The following STPG4 variants were observed in gnomAD, a reference collection of about 807,000 sequenced individuals.
STPG4 encodes sperm-tail PG-rich repeat containing 4.
STPG4 carries 41 observed loss-of-function variants against 31.5 expected under a neutral mutation model. That is an observed-to-expected ratio of 1.30 (90% CI 1.01 to 1.69). STPG4 has a LOEUF of 1.69. Among genes scored for constraint, STPG4 ranks in the 40% most tolerant of loss-of-function variants. The pLI is 0.00. For missense variants in STPG4, 375 were observed against 293.4 expected (o/e 1.28, Z -2.03); for synonymous variants, 141 against 103.0 (o/e 1.37, Z -2.24).
At chr2:47,149,182 T>G (rs1370337601) in intron 3 of STPG4, among the ~76,000 whole-genome samples, 2 of 152,152 alleles carry the variant, frequency 1.3e-5, no homozygotes, top group East Asian at 3.8e-4. Context: ...TTGTGGGAGG[T>G]GGAGAGGAAA....
At chr2:47,155,118 T>A (rs574637753) in intron 1 of STPG4, 53 bp downstream of exon 1, 2 of 1,541,552 alleles carry the variant, frequency 1.3e-6, no homozygotes, top group Non-Finnish European at 1.8e-6. Context: ...AAAAGGGTAG[T>A]GGGCCTGGTG....
intron 5 of STPG4, among the ~76,000 whole-genome samples, chr2:47,125,217 T>A (rs1445131059): frequency 1.3e-5 from 2 of 152,036 alleles, no homozygotes; most frequent in Non-Finnish European, 2.9e-5. Flanking sequence ...GCTCAGGAGT[T>A]CAAGACCAGC....
In STPG4 at chr2:47,087,021, C is replaced by T. The variant is rs993354910; in HGVS notation, c.734G>A (p.Trp245Ter). Residue 245 changes from tryptophan (W) to a stop codon, truncating the protein, a stop_gained, in exon 7 of 7, where the codon TGG becomes TAG. Coordinates refer to ENST00000445927, the MANE Select transcript of STPG4 (RefSeq NM_001163561.2). LOFTEE classifies it high-confidence loss of function. ...GCCAAGATCACTTTATTTTAAAAGC[C>T]AATTGTTGTTGTTGAAGAAAAGGCT... The part of the protein sequence containing the change: ...EHSLFFNNNN[W>*]LLK The T allele has an allele frequency of 1.9e-6, 3 of 1,551,574 alleles. No homozygotes were observed. The Admixed American group carries it at 5.9e-5, about 30-fold the overall frequency.
intron 5 of STPG4, among the ~76,000 whole-genome samples, chr2:47,119,155 C>T (rs1410470722): frequency 6.6e-6 from 1 of 152,224 alleles, no homozygotes; most frequent in African/African-American, 2.4e-5. Context: ...CTCTGCAGTT[C>T]ACAAGTTTGT....
chr2:47,138,962 G>A (rs572074673), intron 3 of STPG4, among the ~76,000 whole-genome samples: 76 of 152,342 alleles, frequency 5.0e-4, no homozygotes, highest in African/African-American at 1.6e-3. Flanking sequence ...TGGGATTACA[G>A]GTGTGAGCCA....
chr2:47,151,091 G>C (rs1686925829), intron 3 of STPG4, among the ~76,000 whole-genome samples, 167 bp downstream of exon 3: 1 of 152,102 alleles, frequency 6.6e-6, no homozygotes. Context: ...AATCTTACTG[G>C]AAACATTTGC....
At chr2:47,130,632 A>C (rs1686460380) in intron 3 of STPG4, among the ~76,000 whole-genome samples, 1 of 151,802 alleles carries the variant, frequency 6.6e-6, no homozygotes, top group Non-Finnish European at 1.5e-5. Flanking sequence ...TCTCTGCCTC[A>C]CCCTCCCGAG....
intron 3 of STPG4, among the ~76,000 whole-genome samples, chr2:47,143,369 C>T (rs930999402): frequency 4.6e-5 from 7 of 152,044 alleles, no homozygotes; most frequent in African/African-American, 7.3e-5. Flanking sequence ...ACCTGATAGG[C>T]GAAAATTGTG....
Position 47,112,521 on chromosome 2 carries a change from T to A in STPG4, c.519+17420A>T, listed in dbSNP as rs142397217. 7.9e-5 allele frequency among the ~76,000 whole-genome samples: 12 copies of A among 152,302 alleles called. No homozygotes were observed. The East Asian group carries it at 2.1e-3, about 27-fold the overall frequency. ...GACTAAAGTATTTCAGCGAGCTCAT[T>A]TTCACTGATCATGTTAAGAAAGGAA... On this transcript the variant is annotated intron_variant, in intron 5 of 6. Transcript: ENST00000445927.
At chr2:47,098,943 G>C (rs148186342) in intron 5 of STPG4, among the ~76,000 whole-genome samples, 57 of 152,280 alleles carry the variant, frequency 3.7e-4, no homozygotes, top group African/African-American at 1.3e-3. Flanking sequence ...GGTCATATAC[G>C]CTGGTGGATG....
At chr2:47,143,630 C>G (rs563993007) in intron 3 of STPG4, among the ~76,000 whole-genome samples, 1 of 152,050 alleles carries the variant, frequency 6.6e-6, no homozygotes, top group Non-Finnish European at 1.5e-5. Context: ...GGACTATAGG[C>G]GTGCGCCACC....
At chr2:47,087,588 G>A (rs1685481997) in intron 6 of STPG4, among the ~76,000 whole-genome samples, 1 of 152,130 alleles carries the variant, frequency 6.6e-6, no homozygotes, top group African/African-American at 2.4e-5. Flanking sequence ...TCTCAAACTC[G>A]GGTTGGGTTT....
At chr2:47,111,102 C>T (rs1319572955) in intron 5 of STPG4, among the ~76,000 whole-genome samples, 1 of 152,094 alleles carries the variant, frequency 6.6e-6, no homozygotes, top group Non-Finnish European at 1.5e-5. Context: ...AGTTTTTATA[C>T]CTTAATACAT....
At position 47,138,393 on chromosome 2, in the gene STPG4, G is replaced by GT. The variant is rs869102317; in HGVS notation, c.400-8134dup. ...TTTCTATTCCTTTAAATTTGTTAAG[G>GT]TTTTTTTTTTTTTTTGGAGATGGAG... On this transcript the variant is annotated intron_variant, in intron 3 of 6. Coordinates refer to ENST00000445927, the MANE Select transcript of STPG4 (RefSeq NM_001163561.2). Among the ~76,000 whole-genome samples the GT allele has an allele frequency of 8.6e-3, 1,196 of 138,366 alleles. 1 individual carries two copies. The highest frequency in any genetic ancestry group is 0.014 in the African/African-American group (551 of 38,132). 90.8% of individuals were successfully genotyped at this position (138,366 alleles called of 152,430 possible).
At chr2:47,114,932 T>G (rs915884160) in intron 5 of STPG4, among the ~76,000 whole-genome samples, 1 of 152,088 alleles carries the variant, frequency 6.6e-6, no homozygotes, top group African/African-American at 2.4e-5. Context: ...CATGCCCAGC[T>G]AATTTTGGCA....
At chr2:47,095,181 T>A (rs1237536607) in intron 5 of STPG4, among the ~76,000 whole-genome samples, 1 of 152,244 alleles carries the variant, frequency 6.6e-6, no homozygotes, top group Admixed American at 6.5e-5. Flanking sequence ...TAAGGTCTTA[T>A]GAATTTGGAG....
chr2:47,131,919 C>G (rs973410105), intron 3 of STPG4, among the ~76,000 whole-genome samples: 5 of 152,194 alleles, frequency 3.3e-5, no homozygotes, highest in African/African-American at 1.2e-4. Flanking sequence ...AATCCCAACA[C>G]TTCGGGAAGC....
chr2:47,130,070 C>A (rs1438924719), intron 4 of STPG4, 75 bp from the exon 5 acceptor site: 2 of 1,478,082 alleles, frequency 1.4e-6, no homozygotes, highest in African/African-American at 1.4e-5. Context: ...TTATTCCCTA[C>A]CTTTCATTAA....
intron 3 of STPG4, among the ~76,000 whole-genome samples, chr2:47,141,098 G>A (rs1686694222): frequency 6.6e-6 from 1 of 151,902 alleles, no homozygotes; most frequent in Admixed American, 6.6e-5. Context: ...TATTGGCTAG[G>A]CTGGTCTCGA....
Sources: gnomAD v4.1 joint callset for allele counts (sites outside exome capture counted in the v4.1 genomes callset) on GRCh38, gnomAD v4.1.1 for gene constraint, MANE v1.5 for transcripts, NCBI Gene and HGNC (gene_info 2026-07-23, HGNC 2026-07-21) for gene names.